The following CUX1 variants were observed in gnomAD, a reference collection of about 807,000 sequenced individuals.
CUX1 encodes protein CASP.
A neutral mutation model predicts 158.8 loss-of-function variants in CUX1; 31 were observed. The ratio of observed to expected loss-of-function variants is 0.20; its 90% CI spans 0.15 to 0.26. CUX1 has a LOEUF of 0.26. CUX1 is among the 10% of genes least tolerant of loss of function. The pLI is 1.00. For missense variants in CUX1, 1,589 were observed against 2,014.6 expected, an observed-to-expected ratio of 0.79 and a Z score of 4.04; for synonymous variants, 879 against 862.1, an observed-to-expected ratio of 1.02 and a Z score of -0.34.
At chr7:102,006,061 T>A (rs1413054078) in intron 2 of CUX1, among the ~76,000 whole-genome samples, 1 of 152,190 alleles carries the variant, frequency 6.6e-6, no homozygotes, top group Non-Finnish European at 1.5e-5. Flanking sequence ...TCATTCTCAG[T>A]GCAGACCCTA....
intron 1 of CUX1, among the ~76,000 whole-genome samples, chr7:101,877,905 G>A (rs1261399634): frequency 6.6e-6 from 1 of 152,054 alleles, no homozygotes; most frequent in East Asian, 1.9e-4. Flanking sequence ...AGAATGTTGT[G>A]CGTACACCGT....
At chr7:101,924,855 G>A (rs910590835) in intron 2 of CUX1, among the ~76,000 whole-genome samples, 2 of 151,964 alleles carry the variant, frequency 1.3e-5, no homozygotes, top group East Asian at 3.9e-4. Flanking sequence ...GATTACCGGC[G>A]TGAGCCACCA....
chr7:101,831,511 C>T (rs1352048214), intron 1 of CUX1, among the ~76,000 whole-genome samples: 2 of 151,924 alleles, frequency 1.3e-5, no homozygotes, highest in Admixed American at 6.6e-5. Context: ...TGGCTGGTCT[C>T]GAACTCCTGA....
Position 102,248,855 on chromosome 7 carries a change from G to C in CUX1, c.4331G>C (p.Ser1444Thr). 1 of 1,078,440 alleles carries C rather than the reference G, an allele frequency of 9.3e-7. No homozygotes were observed. The highest frequency in any genetic ancestry group is 1.2e-6 in the Non-Finnish European group (1 of 846,548). 66.8% of individuals were successfully genotyped at this position (1,078,440 alleles called of 1,614,324 possible). The change falls in exon 24 of 24, where the codon AGC becomes ACC. Residue 1444 changes from serine (S) to threonine (T), a missense_variant. Transcript: ENST00000292535. The surrounding 1 kb of genome is among the most constrained non-coding windows in gnomAD (Gnocchi z 5.8). ...APSSAPPPSN[S>T]SSSSAPRRPS... The stretch of plus-strand genomic sequence containing the variant: ...AGCTCCGCGCCGCCGCCCAGCAACA[G>C]CAGCAGCAGCAGCGCCCCCCGCAGG...
intron 1 of CUX1, among the ~76,000 whole-genome samples, chr7:101,863,663 A>G (rs1797685769): frequency 6.6e-6 from 1 of 152,002 alleles, no homozygotes; most frequent in South Asian, 2.1e-4. Flanking sequence ...GGCTCTTTTT[A>G]TATTGCAAAA....
At position 102,077,036 on chromosome 7, in the gene CUX1, TA is replaced by T. The variant is rs34277145; in HGVS notation, c.268+6634del. 6.4e-3 allele frequency among the ~76,000 whole-genome samples: 816 copies of T among 127,508 alleles called. 2 individuals carry two copies. The highest frequency in any genetic ancestry group is 0.027 in the Middle Eastern group (7 of 264). The allele number at this position is 127,508 out of a possible 152,430, so 83.7% of individuals were successfully genotyped here. Reference sequence around the variant, plus strand: ...GTGACAGAGTGGGACCCTGTCAAATTAAAAAAAAAAAAAAATTAGAAAAAAG... The same window carrying T: ...GTGACAGAGTGGGACCCTGTCAAATTAAAAAAAAAAAAAATTAGAAAAAAG... On this transcript the variant is annotated intron_variant, in intron 4 of 23. Coordinates refer to ENST00000292535, the MANE Select transcript of CUX1 (RefSeq NM_181552.4).
At chr7:102,105,932 T>G (rs1830297011) in intron 6 of CUX1, among the ~76,000 whole-genome samples, 1 of 152,098 alleles carries the variant, frequency 6.6e-6, no homozygotes, top group Non-Finnish European at 1.5e-5. Flanking sequence ...AACTCTAGTA[T>G]GAAGAAATGT....
At chr7:102,278,075 C>A in intron 18 of CUX1, 1 of 1,581,120 alleles carries the variant, frequency 6.3e-7, no homozygotes, top group Non-Finnish European at 8.7e-7. Flanking sequence ...GGTGAGGGCC[C>A]TCCCCTGGCC....
rs1233666503 is a variant in CUX1, at chr7:102,255,081, C to G, written c.*6039C>G. The G allele has an allele frequency of 3.0e-6, 3 of 985,418 alleles. No homozygotes were observed. The highest frequency in any genetic ancestry group is 6.2e-5 in the Admixed American group (1 of 16,260). The allele number at this position is 985,418 out of a possible 1,614,324, so 61.0% of individuals were successfully genotyped here. A position where few individuals can be genotyped will look rare whatever the true frequency, so the allele number is the denominator to read the frequency against. ...AGCCCCAGCCCTACTCCCGGCCCCC[C>G]AGCCCAGTCTTCCCAATCCCAGAGG... On this transcript the variant is annotated 3_prime_UTR_variant, in exon 24 of 24. Transcript: ENST00000292535.
intron 8 of CUX1, among the ~76,000 whole-genome samples, chr7:102,118,032 A>T (rs1238752109): frequency 1.3e-5 from 2 of 152,220 alleles, no homozygotes; most frequent in African/African-American, 2.4e-5. Context: ...CCATGGGCTC[A>T]TTCTGAGACC....
chr7:101,969,374 A>G (rs1563073880), intron 2 of CUX1, among the ~76,000 whole-genome samples: 4 of 150,858 alleles, frequency 2.7e-5, no homozygotes, highest in Admixed American at 2.0e-4. Flanking sequence ...AAAAAAAAAA[A>G]AAAAAAAAAG....
chr7:101,884,384 A>G (rs1304151745), intron 1 of CUX1, among the ~76,000 whole-genome samples: 6 of 152,132 alleles, frequency 3.9e-5, no homozygotes, highest in African/African-American at 1.4e-4. Flanking sequence ...CTCTCCCATA[A>G]TTAGATAACG....
chr7:102,051,063 G>A (rs1823435601), intron 3 of CUX1, among the ~76,000 whole-genome samples: 1 of 152,054 alleles, frequency 6.6e-6, no homozygotes, highest in African/African-American at 2.4e-5. Flanking sequence ...CCCACCCCGG[G>A]CGTGGTCCCT....
intron 5 of CUX1, among the ~76,000 whole-genome samples, chr7:102,099,088 G>A (rs1449150038): frequency 6.6e-6 from 1 of 152,198 alleles, no homozygotes; most frequent in Non-Finnish European, 1.5e-5. Flanking sequence ...AGAGGTAGAG[G>A]CATGGGCTGT....
intron 3 of CUX1, among the ~76,000 whole-genome samples, chr7:102,061,925 TAACA>T (rs1361593692): frequency 2.0e-5 from 3 of 152,186 alleles, no homozygotes; most frequent in African/African-American, 2.4e-5. Flanking sequence ...TATGCTGCAG[TAACA>T]AACAAACTGC....
chr7:102,038,049 CAA>C (rs11449826), intron 3 of CUX1, among the ~76,000 whole-genome samples: 9 of 142,524 alleles, frequency 6.3e-5, no homozygotes, highest in South Asian at 2.2e-4. Flanking sequence ...GACTCTGTCT[CAA>C]AAAAAAAAAA....
At chr7:102,026,560 C>G (rs1386549583) in intron 2 of CUX1, among the ~76,000 whole-genome samples, 2 of 152,078 alleles carry the variant, frequency 1.3e-5, no homozygotes, top group African/African-American at 4.8e-5. Context: ...TGGCTCATGC[C>G]TGTAATCCCA....
intron 3 of CUX1, among the ~76,000 whole-genome samples, chr7:102,067,862 C>A (rs201187041): frequency 3.4e-5 from 5 of 149,010 alleles, no homozygotes; most frequent in South Asian, 4.3e-4. Flanking sequence ...ACTAAAAATA[C>A]AAAAAAAAAT....
intron 1 of CUX1, among the ~76,000 whole-genome samples, chr7:101,890,607 G>A (rs1038300402): frequency 1.4e-5 from 2 of 146,774 alleles, no homozygotes; most frequent in African/African-American, 2.4e-5. Context: ...GGGTCAGTAC[G>A]GGGAAAAACG....
Sources: allele counts gnomAD v4.1 joint callset (sites outside exome capture counted in the v4.1 genomes callset), GRCh38; gene constraint gnomAD v4.1.1; non-coding constraint Gnocchi (gnomAD v3.1); transcripts MANE v1.5; gene names NCBI Gene and HGNC (gene_info 2026-07-23, HGNC 2026-07-21).